Variants in PARD3B observed in about 807,000 individuals in gnomAD.
PARD3B encodes partitioning defective 3 homolog B.
Under a neutral mutation model 130.2 loss-of-function variants are expected in PARD3B, and 103 were observed. The ratio of observed to expected loss-of-function variants is 0.79; its 90% CI spans 0.67 to 0.93. The LOEUF (loss-of-function observed/expected upper bound fraction) is 0.93. Among genes scored for constraint, PARD3B ranks in the 40% least tolerant of loss-of-function variants. The probability of loss-of-function intolerance (pLI) is 0.00; values close to 1 mark genes in which losing one functional copy is unlikely to be tolerated. For synonymous variants in PARD3B, 583 were observed against 553.2 expected (o/e 1.05, Z -0.76); for missense variants, 1,609 against 1,499.2 (o/e 1.07, Z -1.21).
intron 3 of PARD3B, among the ~76,000 whole-genome samples, chr2:205,013,034 G>C (rs911360996): frequency 1.3e-5 from 2 of 152,172 alleles, no homozygotes; most frequent in Admixed American, 1.3e-4. Flanking sequence ...TAAAATCTAC[G>C]TAGCGTTTCC....
chr2:204,634,105 A>G (rs751005003), intron 1 of PARD3B, among the ~76,000 whole-genome samples: 3 of 152,070 alleles, frequency 2.0e-5, no homozygotes, highest in African/African-American at 7.2e-5. Context: ...TTTTGTACCT[A>G]TTAGCCATTC....
At chr2:204,867,013 G>C (rs2125639471) in intron 2 of PARD3B, among the ~76,000 whole-genome samples, 1 of 152,184 alleles carries the variant, frequency 6.6e-6, no homozygotes, top group Non-Finnish European at 1.5e-5. Context: ...AGGTTGCAAT[G>C]AGCCAAGATC....
At chr2:204,985,185 C>T (rs2125222798) in intron 3 of PARD3B, among the ~76,000 whole-genome samples, 1 of 152,146 alleles carries the variant, frequency 6.6e-6, no homozygotes, top group South Asian at 2.1e-4. Flanking sequence ...CATCCTCCTT[C>T]CTTCCCTCCT....
intron 2 of PARD3B, among the ~76,000 whole-genome samples, chr2:204,773,540 A>G (rs1014585986): frequency 2.6e-5 from 4 of 152,174 alleles, no homozygotes; most frequent in African/African-American, 9.7e-5. Flanking sequence ...CGTTACTGTA[A>G]TTTTATGGAG....
chr2:205,373,208 AG>A (rs1409543336), intron 18 of PARD3B, among the ~76,000 whole-genome samples: 1 of 152,094 alleles, frequency 6.6e-6, no homozygotes, highest in Non-Finnish European at 1.5e-5. Context: ...TTGATTCTCC[AG>A]GGGGAATCAG....
At chr2:204,800,822 T>C (rs377463040) in intron 2 of PARD3B, among the ~76,000 whole-genome samples, 1 of 152,240 alleles carries the variant, frequency 6.6e-6, no homozygotes. Flanking sequence ...CTAGGATTTC[T>C]TCTAGGATTT....
intron 16 of PARD3B, among the ~76,000 whole-genome samples, chr2:205,275,261 G>A (rs1228674982): frequency 6.6e-6 from 1 of 151,798 alleles, no homozygotes; most frequent in African/African-American, 2.4e-5. Context: ...ACCATGCACT[G>A]AAAATACAAT....
intron 10 of PARD3B, among the ~76,000 whole-genome samples, chr2:205,145,683 T>C (rs1455421105): frequency 6.6e-6 from 1 of 152,152 alleles, no homozygotes. Flanking sequence ...TTGCTTTAAG[T>C]GTATGCTAGG....
intron 15 of PARD3B, among the ~76,000 whole-genome samples, chr2:205,216,085 A>G (rs1159492496): frequency 6.6e-6 from 1 of 152,164 alleles, no homozygotes; most frequent in Non-Finnish European, 1.5e-5. Context: ...TATTAGTCCC[A>G]TGAGCTTATA....
At chr2:205,005,313 T>A (rs1020892267) in intron 3 of PARD3B, among the ~76,000 whole-genome samples, 2 of 152,164 alleles carry the variant, frequency 1.3e-5, no homozygotes, top group African/African-American at 4.8e-5. Context: ...AAAGTGAGGA[T>A]GAAGAAAGCT....
Position 204,698,470 on chromosome 2 carries a change from A to G in PARD3B, c.222+12188A>G, listed in dbSNP as rs532587356. ...GCATGGCTTAGATTTACTAGGCAAG[A>G]TTAACTTGGAATTTTTCCATTTGGT... On this transcript the variant is annotated intron_variant, in intron 2 of 22. Coordinates refer to ENST00000406610, the MANE Select transcript of PARD3B (RefSeq NM_001302769.2). 1.1e-4 allele frequency among the ~76,000 whole-genome samples: 17 copies of G among 152,150 alleles called. 1 individual carries two copies. The South Asian group carries it at 3.5e-3, about 32-fold the overall frequency.
intron 10 of PARD3B, among the ~76,000 whole-genome samples, chr2:205,152,272 G>A (rs565122046): frequency 4.6e-5 from 7 of 152,028 alleles, no homozygotes; most frequent in South Asian, 2.1e-4. Flanking sequence ...TCTTTGTGGC[G>A]TTCTCTGTAT....
intron 3 of PARD3B, among the ~76,000 whole-genome samples, chr2:205,033,944 G>T (rs895422406): frequency 6.6e-6 from 1 of 152,042 alleles, no homozygotes; most frequent in Non-Finnish European, 1.5e-5. Context: ...CATCGTTGTT[G>T]GTGTCACTTT....
At position 204,677,473 on chromosome 2, in the gene PARD3B, C is replaced by T. The variant is rs1421110434; in HGVS notation, c.121-8708C>T. Reference sequence around the variant, plus strand: ...TTTCCTTTTTGTTCTCCAATTTAGACAAGCCTCAATTAATTCAGCTCACTC... The same window carrying T: ...TTTCCTTTTTGTTCTCCAATTTAGATAAGCCTCAATTAATTCAGCTCACTC... On this transcript the variant is annotated intron_variant, in intron 1 of 22. Coordinates refer to ENST00000406610, the MANE Select transcript of PARD3B (RefSeq NM_001302769.2). This position sits in a 1 kb window ranked among gnomAD's most constrained non-coding sequence, Gnocchi z 4.1. 6.6e-6 allele frequency among the ~76,000 whole-genome samples: 1 copy of T among 152,190 alleles called. No individual in the cohort carries two copies. The highest frequency in any genetic ancestry group is 1.5e-5 in the Non-Finnish European group (1 of 68,032).
chr2:204,998,336 ATATATATATATATATATATATATGTG>A (rs1177105054), intron 3 of PARD3B, among the ~76,000 whole-genome samples: 20 of 25,910 alleles, frequency 7.7e-4, no homozygotes, highest in Admixed American at 6.2e-3. Context: ...ATATATATAT[ATATATATATATATATATATATATGTG>A]TGTGTGTGTG....
intron 20 of PARD3B, among the ~76,000 whole-genome samples, chr2:205,472,871 G>A (rs140967887): frequency 3.3e-5 from 5 of 152,044 alleles, no homozygotes; most frequent in African/African-American, 9.7e-5. Context: ...TTGTATAGAG[G>A]GGGGGAACAG....
At position 204,747,300 on chromosome 2, in the gene PARD3B, G is replaced by C. The variant is rs527321487; in HGVS notation, c.222+61018G>C. 4.5e-3 allele frequency among the ~76,000 whole-genome samples: 681 copies of C among 151,942 alleles called. 5 individuals carry two copies. Among genetic ancestry groups the C allele is most frequent in the African/African-American group, 0.016 (653 of 41,502 alleles). ...ATCAGATGGTTGTAGATGTGTGGTA[G>C]AGCCAAATCATGAGTGAACTCCCAT... On this transcript the variant is annotated intron_variant, in intron 2 of 22. Coordinates refer to ENST00000406610, the MANE Select transcript of PARD3B (RefSeq NM_001302769.2).
intron 18 of PARD3B, among the ~76,000 whole-genome samples, chr2:205,324,539 A>T (rs954970241): frequency 3.9e-5 from 6 of 152,222 alleles, no homozygotes; most frequent in Admixed American, 6.5e-5. Flanking sequence ...TAATATATCA[A>T]CTTTCTCTTT....
chr2:204,651,580 A>G (rs2035481276), intron 1 of PARD3B, among the ~76,000 whole-genome samples: 1 of 152,124 alleles, frequency 6.6e-6, no homozygotes, highest in South Asian at 2.1e-4. Context: ...TCCTAGACAC[A>G]TGGTATAAGC....
Sources: allele counts gnomAD v4.1 joint callset (sites outside exome capture counted in the v4.1 genomes callset), GRCh38; gene constraint gnomAD v4.1.1; non-coding constraint Gnocchi (gnomAD v3.1); transcripts MANE v1.5; gene names NCBI Gene and HGNC (gene_info 2026-07-23, HGNC 2026-07-21).